UBR2: variants seen among roughly 807,000 people sequenced by gnomAD.
UBR2 encodes the protein E3 ubiquitin-protein ligase UBR2.
UBR2 carries 92 observed loss-of-function variants against 247.9 expected under a neutral mutation model. That is an observed-to-expected ratio of 0.37 (90% confidence interval 0.31 to 0.44). The LOEUF is 0.44. UBR2 is among the 20% of genes least tolerant of loss of function. UBR2 has a pLI of 1.00. For missense variants in UBR2, 1,613 were observed against 2,112.6 expected, an observed-to-expected ratio of 0.76 and a Z score of 4.64; for synonymous variants, 672 against 693.5, an observed-to-expected ratio of 0.97 and a Z score of 0.49.
At chr6:42,667,430 C>G (rs1342956069) in intron 34 of UBR2, among the ~76,000 whole-genome samples, 3 of 151,420 alleles carry the variant, frequency 2.0e-5, no homozygotes, top group Non-Finnish European at 2.9e-5. Flanking sequence ...GTGTTTACTT[C>G]CATATTTCTA....
rs1582628658 is a variant in UBR2 at position 42,644,137 on chromosome 6, T to G, written c.2098-77T>G. The G allele has an allele frequency of 2.8e-6, 4 of 1,447,846 alleles. No individual in the cohort carries two copies. In the East Asian group the frequency reaches 9.2e-5, roughly 33 times the overall value. 89.7% of individuals were successfully genotyped at this position (1,447,846 alleles called of 1,614,324 possible). ...TTTCTCTTGGGCAAGCCAAACTATC[T>G]CTCACTAATTGTTTCAATAGTGGCC... On this transcript the variant is annotated intron_variant, in intron 18 of 46. Coordinates refer to ENST00000372901, the MANE Select transcript of UBR2 (RefSeq NM_001363705.2).
intron 33 of UBR2, 83 bp downstream of exon 33, chr6:42,665,595 G>A: frequency 9.2e-7 from 1 of 1,092,576 alleles, no homozygotes; most frequent in Non-Finnish European, 1.3e-6. Context: ...TTGTTTAAAA[G>A]TGAAACCTCC....
rs1483534556 is a variant in UBR2, at chr6:42,659,083, A to C, written c.3242+259A>C. Among the ~76,000 whole-genome samples the C allele has an allele frequency of 1.3e-5, 2 of 152,186 alleles. No individual in the cohort carries two copies. Among genetic ancestry groups the C allele is most frequent in the African/African-American group, 4.8e-5 (2 of 41,452 alleles). ...ATGAAAGAATGAGTACACTACACTC[A>C]GTTACCTAGAGCGTATGACATCTGT... is the stretch of plus-strand genomic sequence containing the variant. On this transcript the variant is annotated intron_variant, in intron 29 of 46. Coordinates refer to ENST00000372901, the MANE Select transcript of UBR2 (RefSeq NM_001363705.2). The surrounding 1 kb of genome is among the most constrained non-coding windows in gnomAD (Gnocchi z 4.3).
Position 42,658,288 on chromosome 6 carries a change from G to A in UBR2, c.3031G>A (p.Val1011Met), listed in dbSNP as rs147976047. 356 of 1,613,730 alleles carry A rather than the reference G, an allele frequency of 2.2e-4. No individual in the cohort carries two copies. The highest frequency in any genetic ancestry group is 3.3e-4 in the African/African-American group (25 of 74,934). The change falls in exon 28 of 47, where the codon GTG (valine) becomes ATG (methionine). Residue 1011 changes from valine to methionine, a missense_variant. By Grantham distance (21) the Val-to-Met change is conservative. This residue lies in a region of UBR2 where 1,524 missense variants were observed against 1,967.3 expected (regional missense o/e 0.77). Coordinates refer to ENST00000372901, the MANE Select transcript of UBR2 (RefSeq NM_001363705.2). ...GAGGGAGAGTTCACCTACCAGTCCC[G>A]TGGCAGAGACAGAAGGAACCATAAT... ...KMRESSPTSPVAETEGTIMEE... is the reference protein window; with the variant it reads ...KMRESSPTSPMAETEGTIMEE...
intron 31 of UBR2, 126 bp downstream of exon 31, chr6:42,662,403 G>T: frequency 1.6e-6 from 1 of 608,348 alleles, no homozygotes; most frequent in East Asian, 2.9e-5. Context: ...CCGTATCATT[G>T]CCTAATAAAT....
At chr6:42,640,753 A>G (rs560446667) in intron 16 of UBR2, among the ~76,000 whole-genome samples, 150 of 151,498 alleles carry the variant, frequency 9.9e-4, no homozygotes, top group Non-Finnish European at 1.8e-3. Flanking sequence ...TTTTTGAGAC[A>G]GAGTCTCACT....
At chr6:42,576,394 TTGCTTATTTAATTATTCCCCTGTA>T (rs1791507239) in intron 2 of UBR2, among the ~76,000 whole-genome samples, 1 of 152,158 alleles carries the variant, frequency 6.6e-6, no homozygotes, top group Non-Finnish European at 1.5e-5. Context: ...CTCAAAATAT[TTGCTTATTTAATTATTCCCCTGTA>T]TGCAGCCATT....
intron 16 of UBR2, 125 bp from the exon 17 acceptor site, chr6:42,641,451 AAATAAT>A (rs554395742): frequency 2.5e-5 from 15 of 596,690 alleles, no homozygotes; most frequent in South Asian, 9.2e-5. Flanking sequence ...CTGTCTCAAA[AAATAAT>A]AATAATAATA....
intron 43 of UBR2, 124 bp downstream of exon 43, chr6:42,683,235 G>A (rs1250117775): frequency 2.6e-5 from 18 of 682,900 alleles, no homozygotes; most frequent in Non-Finnish European, 3.8e-5. Flanking sequence ...GTTAAGATAT[G>A]TTGCCTTCAT....
chr6:42,655,571 G>T (rs1797396702), intron 25 of UBR2, 50 bp from the exon 26 acceptor site: 2 of 1,013,102 alleles, frequency 2.0e-6, no homozygotes, highest in Non-Finnish European at 2.9e-6. Context: ...ATTAAAATAT[G>T]TACTTGATTT....
At chr6:42,672,987 AT>A (rs1798531515) in intron 36 of UBR2, among the ~76,000 whole-genome samples, 1 of 152,248 alleles carries the variant, frequency 6.6e-6, no homozygotes, top group Non-Finnish European at 1.5e-5. Flanking sequence ...TCATCAACTT[AT>A]CACATACCCA....
chr6:42,619,453 A>ATTTTTTT (rs1554251969), intron 11 of UBR2: 530 of 23,750 alleles, frequency 0.022, 61 homozygotes, highest in Admixed American at 0.072. Flanking sequence ...ATATATATAT[A>ATTTTTTT]TTTTTTTTTT....
At chr6:42,603,534 AT>A in intron 4 of UBR2, 53 bp from the exon 5 acceptor site, 4 of 1,442,008 alleles carry the variant, frequency 2.8e-6, no homozygotes, top group Non-Finnish European at 3.6e-6. Flanking sequence ...ATGAAAATTA[AT>A]GTACATGATT....
intron 25 of UBR2, among the ~76,000 whole-genome samples, chr6:42,653,169 C>T (rs1797220488): frequency 6.6e-6 from 1 of 152,184 alleles, no homozygotes; most frequent in African/African-American, 2.4e-5. Context: ...ACTGCAACCT[C>T]TGCCTCCTGG....
chr6:42,642,496 G>C lies in UBR2; in HGVS notation c.2097+15G>C. On this transcript the variant is annotated intron_variant, in intron 18 of 46. Transcript: ENST00000372901. ...TAATGCTTCAGGTAATGAATTAAAA[G>C]CATTGAACTTAAAGGTTGTGGGGAA... is the stretch of plus-strand genomic sequence containing the variant. 1 of 1,599,948 alleles carries C rather than the reference G, an allele frequency of 6.3e-7. No individual in the cohort carries two copies. Among genetic ancestry groups the C allele is most frequent in the Non-Finnish European group, 8.6e-7 (1 of 1,169,142 alleles).
At chr6:42,690,217 G>A (rs1005286541) in intron 46 of UBR2, among the ~76,000 whole-genome samples, 9 of 152,284 alleles carry the variant, frequency 5.9e-5, no homozygotes, top group African/African-American at 2.2e-4. Context: ...GTCTAAAGGA[G>A]GTATAAGTTT....
At chr6:42,644,674 T>G in intron 20 of UBR2, 138 bp downstream of exon 20, 1 of 682,664 alleles carries the variant, frequency 1.5e-6, no homozygotes, top group Non-Finnish European at 2.4e-6. Context: ...AATATTTCTC[T>G]TTTTCTCCCC....
At chr6:42,601,599 A>G (rs1793360729) in intron 4 of UBR2, among the ~76,000 whole-genome samples, 1 of 151,446 alleles carries the variant, frequency 6.6e-6, no homozygotes, top group Non-Finnish European at 1.5e-5. Context: ...GAGGCAGGAG[A>G]ATCGCTTGAA....
At chr6:42,653,336 G>A (rs1797231687) in intron 25 of UBR2, among the ~76,000 whole-genome samples, 1 of 152,054 alleles carries the variant, frequency 6.6e-6, no homozygotes, top group African/African-American at 2.4e-5. Context: ...TCCCCCCTCG[G>A]CCTCCCCAAG....
Sources: gnomAD v4.1 joint callset for allele counts (sites outside exome capture counted in the v4.1 genomes callset) on GRCh38, gnomAD v4.1.1 for gene constraint, gnomAD v4.1.1 regional missense constraint, Gnocchi (gnomAD v3.1) non-coding constraint, MANE v1.5 for transcripts, NCBI Gene and HGNC (gene_info 2026-07-23, HGNC 2026-07-21) for gene names.